The following SEMA5A variants were observed in gnomAD, a reference collection of about 807,000 sequenced individuals.
SEMA5A encodes semaphorin-5A.
In SEMA5A, 55 loss-of-function variants were observed where a neutral mutation model predicts 135.5. The ratio of observed to expected loss-of-function variants is 0.41; its 90% CI spans 0.33 to 0.51. The LOEUF is 0.51. SEMA5A is among the 20% of genes least tolerant of loss of function. The pLI is 0.37. For synonymous variants in SEMA5A, 580 were observed against 546.5 expected (o/e 1.06, Z -0.85); for missense variants, 1,290 against 1,419.9 (o/e 0.91, Z 1.47).
chr5:9,535,111 C>T (rs1161911146), intron 1 of SEMA5A, among the ~76,000 whole-genome samples: 7 of 152,226 alleles, frequency 4.6e-5, no homozygotes, highest in African/African-American at 1.4e-4. Flanking sequence ...TGAAGATCCT[C>T]GCTGTGAATC....
intron 3 of SEMA5A, among the ~76,000 whole-genome samples, chr5:9,374,350 G>T (rs1755268493): frequency 1.4e-5 from 2 of 147,658 alleles, no homozygotes; most frequent in African/African-American, 2.5e-5. Flanking sequence ...GTTGCATGAA[G>T]ACGTTCCGTT....
At chr5:9,409,704 G>A (rs540931551) in intron 2 of SEMA5A, among the ~76,000 whole-genome samples, 4 of 152,242 alleles carry the variant, frequency 2.6e-5, no homozygotes, top group Non-Finnish European at 5.9e-5. Flanking sequence ...CTGAGGAGGT[G>A]TTGAGAATGA....
intron 5 of SEMA5A, among the ~76,000 whole-genome samples, chr5:9,270,608 C>T (rs996488020): frequency 2.0e-5 from 3 of 151,856 alleles, no homozygotes; most frequent in African/African-American, 7.3e-5. Context: ...TTTGGGAGCA[C>T]ATTCTCAGGT....
At chr5:9,297,549 G>T (rs1045940835) in intron 5 of SEMA5A, among the ~76,000 whole-genome samples, 1 of 151,516 alleles carries the variant, frequency 6.6e-6, no homozygotes, top group African/African-American at 2.4e-5. Flanking sequence ...ATAAATTTCT[G>T]TTTTTTTTGT....
intron 11 of SEMA5A, among the ~76,000 whole-genome samples, chr5:9,186,772 A>C (rs374717072): frequency 2.0e-5 from 3 of 152,238 alleles, no homozygotes; most frequent in African/African-American, 4.8e-5. Flanking sequence ...ATCAAATCAC[A>C]GTAATTGAGA....
chr5:9,395,028 T>G (rs564812362), intron 2 of SEMA5A, among the ~76,000 whole-genome samples: 14 of 152,272 alleles, frequency 9.2e-5, no homozygotes, highest in African/African-American at 3.1e-4. Flanking sequence ...GTAGGAAAAT[T>G]TTTAAAAATA....
chr5:9,377,259 G>T (rs1755402716), intron 3 of SEMA5A, among the ~76,000 whole-genome samples: 1 of 152,122 alleles, frequency 6.6e-6, no homozygotes, highest in African/African-American at 2.4e-5. Context: ...ATATATATTT[G>T]TATGTGTGTG....
At chr5:9,046,945 C>G (rs972959345) in intron 21 of SEMA5A, among the ~76,000 whole-genome samples, 4 of 152,204 alleles carry the variant, frequency 2.6e-5, no homozygotes, top group African/African-American at 7.2e-5. Flanking sequence ...CTTTTCACTT[C>G]CAGCTTAGTT....
chr5:9,080,007 G>T (rs182899534), intron 16 of SEMA5A, among the ~76,000 whole-genome samples: 71 of 152,264 alleles, frequency 4.7e-4, no homozygotes, highest in Non-Finnish European at 8.8e-4. Context: ...CAAGGATCTA[G>T]AACCAGAAAT....
intron 11 of SEMA5A, among the ~76,000 whole-genome samples, chr5:9,189,006 G>A (rs1744951427): frequency 6.6e-6 from 1 of 152,204 alleles, no homozygotes; most frequent in South Asian, 2.1e-4. Context: ...CCCACTCAGT[G>A]GTCACATCTG....
intron 9 of SEMA5A, among the ~76,000 whole-genome samples, chr5:9,198,663 G>A (rs1215551812): frequency 1.3e-5 from 2 of 152,150 alleles, no homozygotes; most frequent in Middle Eastern, 6.3e-3. Context: ...AAAATAAAGG[G>A]GCGAACACCA....
At chr5:9,400,422 T>C (rs2950651) in intron 2 of SEMA5A, among the ~76,000 whole-genome samples, 35,808 of 151,266 alleles carry the variant, frequency 0.24, 4,938 homozygotes, top group East Asian at 0.45. Context: ...TTGATCAATT[T>C]AGACAAATTA....
intron 20 of SEMA5A, among the ~76,000 whole-genome samples, chr5:9,051,632 A>G (rs1019243805): frequency 6.6e-6 from 1 of 152,220 alleles, no homozygotes; most frequent in Non-Finnish European, 1.5e-5. Flanking sequence ...TTCTGATTGC[A>G]TTATAGTTGA....
In SEMA5A at chr5:9,248,423, T is replaced by C. The variant is rs551816056; in HGVS notation, c.271-10533A>G. 2.0e-5 allele frequency among the ~76,000 whole-genome samples: 3 copies of C among 152,200 alleles called. No homozygotes were observed. In the East Asian group the frequency reaches 5.8e-4, roughly 29 times the overall value. On this transcript the variant is annotated intron_variant, in intron 5 of 22. Coordinates refer to ENST00000382496, the MANE Select transcript of SEMA5A (RefSeq NM_003966.3). ...GAATTTGATTTTGAAATAAATTAATTGCCTACACCAATTAGGGCCTTGAAA... is the reference window on the plus strand; with the variant it reads ...GAATTTGATTTTGAAATAAATTAATCGCCTACACCAATTAGGGCCTTGAAA...
intron 4 of SEMA5A, among the ~76,000 whole-genome samples, chr5:9,331,466 C>T (rs547190321): frequency 7.2e-5 from 11 of 152,214 alleles, no homozygotes; most frequent in Non-Finnish European, 1.3e-4. Context: ...TGTAAACAAA[C>T]CAAAATTCAA....
chr5:9,293,841 T>C (rs1002031970), intron 5 of SEMA5A, among the ~76,000 whole-genome samples: 5 of 152,152 alleles, frequency 3.3e-5, no homozygotes, highest in African/African-American at 9.7e-5. Context: ...TTTGCAAAAG[T>C]GAATACATAA....
chr5:9,339,712 T>C (rs1753559893), intron 3 of SEMA5A, among the ~76,000 whole-genome samples: 1 of 152,178 alleles, frequency 6.6e-6, no homozygotes, highest in Non-Finnish European at 1.5e-5. Flanking sequence ...AAAAATTCAC[T>C]TTCAGGTTAA....
At chr5:9,086,195 GTGTGT>G (rs1489312351) in intron 16 of SEMA5A, among the ~76,000 whole-genome samples, 1 of 152,172 alleles carries the variant, frequency 6.6e-6, no homozygotes, top group Non-Finnish European at 1.5e-5. Flanking sequence ...TAATGCTGAA[GTGTGT>G]TAAGATTTTG....
intron 16 of SEMA5A, among the ~76,000 whole-genome samples, chr5:9,105,490 A>C (rs7706749): frequency 0.11 from 17,495 of 152,228 alleles, 1,554 homozygotes; most frequent in East Asian, 0.32. Context: ...CATATTCTGT[A>C]TTATATAAAT....
Sources: gnomAD v4.1 joint callset for allele counts (sites outside exome capture counted in the v4.1 genomes callset) on GRCh38, gnomAD v4.1.1 for gene constraint, MANE v1.5 for transcripts, NCBI Gene and HGNC (gene_info 2026-07-23, HGNC 2026-07-21) for gene names.